The following ZNF816 variants were observed in gnomAD, a reference collection of about 807,000 sequenced individuals.
The protein encoded by ZNF816 is zinc finger protein 816A.
A neutral mutation model predicts 8.3 loss-of-function variants in ZNF816; 11 were observed. The ratio of observed to expected loss-of-function variants is 1.32; its 90% CI spans 0.83 to 2.19. The LOEUF (loss-of-function observed/expected upper bound fraction) is 2.19, where lower values mean the gene tolerates loss of function less well. Ranked by LOEUF, ZNF816 falls within the 30% of genes most tolerant of loss-of-function variation. The pLI is 0.00. For synonymous variants in ZNF816, 255 were observed against 254.5 expected (o/e 1.00, Z -0.02); for missense variants, 710 against 779.3 (o/e 0.91, Z 1.06).
chr19:52,953,582 T>C (rs1340935140), intron 2 of ZNF816, among the ~76,000 whole-genome samples: 4 of 89,702 alleles, frequency 4.5e-5, no homozygotes, highest in African/African-American at 3.9e-4. Flanking sequence ...AAATATAATA[T>C]ATAATACAAT....
rs544356289 is a variant in ZNF816, at chr19:52,959,026, G to A, written c.-15-2922C>T. Among the ~76,000 whole-genome samples, 172 of 152,350 alleles carry A rather than the reference G, an allele frequency of 1.1e-3. 1 individual carries two copies. The highest frequency in any genetic ancestry group is 0.01 in the Middle Eastern group (3 of 294). Reference sequence around the variant, plus strand: ...CTGAGAGAGAAAATACGGCAGTTAGGGTTTTGATCCAAACTGTGGGGCCCT... The same window carrying A: ...CTGAGAGAGAAAATACGGCAGTTAGAGTTTTGATCCAAACTGTGGGGCCCT... On this transcript the variant is annotated intron_variant, in intron 1 of 3. Coordinates refer to ENST00000444460, the MANE Select transcript of ZNF816 (RefSeq NM_001202457.3).
In ZNF816 at chr19:52,951,383, T is replaced by C; in HGVS notation, c.392A>G (p.Lys131Arg). The C allele has an allele frequency of 1.9e-6, 3 of 1,614,148 alleles. No individual in the cohort carries two copies. Among genetic ancestry groups the C allele is most frequent in the Non-Finnish European group, 2.5e-6 (3 of 1,179,972 alleles). ...ERNGHEAPMTKIKKLTGSTDR... is the reference protein window; with the variant it reads ...ERNGHEAPMTRIKKLTGSTDR... ...TGTACTACCAGTCAACTTTTTGATT[T>C]TTGTCATGGGTGCTTCATGGCCATT... is the stretch of plus-strand genomic sequence containing the variant. The change falls in exon 4 of 4, where the codon AAA becomes AGA. Residue 131 changes from lysine (K) to arginine (R), a missense_variant. Transcript: ENST00000444460.
chr19:52,953,251 G>T (rs1045923063), intron 2 of ZNF816: 3 of 270,176 alleles, frequency 1.1e-5, no homozygotes, highest in Non-Finnish European at 2.2e-5. Flanking sequence ...AAAAAAACCA[G>T]GTGTGGTGGC....
Position 52,957,770 on chromosome 19 carries a change from G to A in ZNF816, c.-15-1666C>T, listed in dbSNP as rs1221829524. On this transcript the variant is annotated intron_variant, in intron 1 of 3. Transcript: ENST00000444460. This position sits in a 1 kb window ranked among gnomAD's most constrained non-coding sequence, Gnocchi z 4.6. ...GACATAAAGTGATTCACCAGTTCTT[G>A]TACATGCCTGACTTGAAAGGACTTG... 6.6e-6 allele frequency among the ~76,000 whole-genome samples: 1 copy of A among 152,192 alleles called. No homozygotes were observed. Among genetic ancestry groups the A allele is most frequent in the Non-Finnish European group, 1.5e-5 (1 of 68,050 alleles).
chr19:52,951,226 A>T lies in ZNF816; in HGVS notation c.549T>A (p.Ser183=), dbSNP rs1415223731. The change falls in exon 4 of 4, where the codon TCT becomes TCA. Residue 183 remains serine, a synonymous_variant. Coordinates refer to ENST00000444460, the MANE Select transcript of ZNF816 (RefSeq NM_001202457.3). ...KGKISNQLDK[S]IGASSASESQ... ...ATTCTGAAGCTGAGGAAGCACCGAT[A>T]GACTTGTCCAATTGGTTACTAATTT... 6.3e-7 allele frequency: 1 copy of T among 1,593,302 alleles called. No individual in the cohort carries two copies. Among genetic ancestry groups the T allele is most frequent in the Non-Finnish European group, 8.6e-7 (1 of 1,166,304 alleles).
At chr19:52,958,371 A>T (rs2083528247) in intron 1 of ZNF816, among the ~76,000 whole-genome samples, 1 of 152,202 alleles carries the variant, frequency 6.6e-6, no homozygotes, top group Non-Finnish European at 1.5e-5. Context: ...CTAGCCCCTC[A>T]GAGCCAGAAG....
rs1028835666 is a variant in ZNF816 at position 52,957,968 on chromosome 19, C to T, written c.-15-1864G>A. ...AGAGATAAGACCAACTCTGGCTAAGCGGTGGCCAAGGGTGTAGACAGAAGA... is the reference window on the plus strand; with the variant it reads ...AGAGATAAGACCAACTCTGGCTAAGTGGTGGCCAAGGGTGTAGACAGAAGA... On this transcript the variant is annotated intron_variant, in intron 1 of 3. Transcript: ENST00000444460. The surrounding 1 kb of genome is among the most constrained non-coding windows in gnomAD (Gnocchi z 4.6). 7.2e-5 allele frequency among the ~76,000 whole-genome samples: 11 copies of T among 152,132 alleles called. No homozygotes were observed. The highest frequency in any genetic ancestry group is 1.2e-4 in the African/African-American group (5 of 41,432).
In ZNF816 at chr19:52,950,462, G is replaced by A. The variant is rs1329456900; in HGVS notation, c.1313C>T (p.Ser438Leu). The change falls in exon 4 of 4, where the codon TCA (serine) becomes TTA (leucine). Residue 438 changes from serine to leucine, a missense_variant. Ser to Leu is a moderately radical substitution (Grantham distance 145). Coordinates refer to ENST00000444460, the MANE Select transcript of ZNF816 (RefSeq NM_001202457.3). ...KVCDKVFRSDSYLAEHQRVHT... is the reference protein window; with the variant it reads ...KVCDKVFRSDLYLAEHQRVHT... ...AACTCTCTGATGTTCTGCAAGGTAT[G>A]AATCACTCCGGAAAACCTTGTCACA... The A allele has an allele frequency of 1.2e-6, 2 of 1,613,586 alleles. No individual in the cohort carries two copies. Among genetic ancestry groups the A allele is most frequent in the Admixed American group, 1.7e-5 (1 of 59,956 alleles).
rs1042547966 is a variant in ZNF816 at position 52,957,233 on chromosome 19, G to A, written c.-15-1129C>T. Among the ~76,000 whole-genome samples the A allele has an allele frequency of 2.6e-5, 4 of 152,150 alleles. No homozygotes were observed. Among genetic ancestry groups the A allele is most frequent in the Non-Finnish European group, 5.9e-5 (4 of 68,032 alleles). ...CTTGGTTCCCTGACTTGGAAGCGAG[G>A]TAATTAACAGAAGGTCGAGGCAACC... On this transcript the variant is annotated intron_variant, in intron 1 of 3. Coordinates refer to ENST00000444460, the MANE Select transcript of ZNF816 (RefSeq NM_001202457.3). This position sits in a 1 kb window ranked among gnomAD's most constrained non-coding sequence, Gnocchi z 4.6.
At chr19:52,953,927 A>T (rs1388117915) in intron 2 of ZNF816, among the ~76,000 whole-genome samples, 1 of 150,336 alleles carries the variant, frequency 6.7e-6, no homozygotes, top group Non-Finnish European at 1.5e-5. Context: ...TGTAATCCCA[A>T]CTATTCAGGA....
At chr19:52,955,131 A>G (rs1419239166) in intron 2 of ZNF816, among the ~76,000 whole-genome samples, 1 of 152,186 alleles carries the variant, frequency 6.6e-6, no homozygotes, top group Non-Finnish European at 1.5e-5. Flanking sequence ...GTCAGAGCAA[A>G]CTTATAATCA....
At chr19:52,962,007 A>G (rs1251550360) in intron 1 of ZNF816, among the ~76,000 whole-genome samples, 1 of 152,202 alleles carries the variant, frequency 6.6e-6, no homozygotes, top group Non-Finnish European at 1.5e-5. Flanking sequence ...AGAAAGCTCA[A>G]TTGTCTAGGA....
rs1468215836 is a variant in ZNF816 at position 52,950,705 on chromosome 19, A to C, written c.1070T>G (p.Val357Gly). 1 of 1,613,622 alleles carries C rather than the reference A, an allele frequency of 6.2e-7. No homozygotes were observed. Among genetic ancestry groups the C allele is most frequent in the East Asian group, 2.2e-5 (1 of 44,828 alleles). The change falls in exon 4 of 4, where the codon GTA becomes GGA. Residue 357 changes from valine (V) to glycine (G), a missense_variant. Coordinates refer to ENST00000444460, the MANE Select transcript of ZNF816 (RefSeq NM_001202457.3). ...GKTFGRNSAL[V>G]IHKAIHTGEK... is the part of the protein sequence containing the mutation. ...TCCAGTATGAATTGCCTTATGAATT[A>C]CAAGGGCTGAATTTCGACCAAAAGT...
chr19:52,953,293 T>C, intron 2 of ZNF816: 1 of 319,316 alleles, frequency 3.1e-6, no homozygotes, highest in South Asian at 2.4e-5. Flanking sequence ...CCTGGGAGGC[T>C]GATGCACGAG....
intron 1 of ZNF816, among the ~76,000 whole-genome samples, chr19:52,962,195 T>C (rs1391098854): frequency 6.6e-6 from 1 of 152,048 alleles, no homozygotes; most frequent in Non-Finnish European, 1.5e-5. Context: ...GACTATACTA[T>C]ACTATACTAG....
chr19:52,953,688 TAATA>T lies in ZNF816; in HGVS notation c.64-815_64-812del, dbSNP rs920957741. Among the ~76,000 whole-genome samples, 6 of 140,958 alleles carry T rather than the reference TAATA, an allele frequency of 4.3e-5. No individual in the cohort carries two copies. In the East Asian group the frequency reaches 7.8e-4, roughly 18 times the overall value. The allele number at this position is 140,958 out of a possible 152,430, so 92.5% of individuals were successfully genotyped here. A position where few individuals can be genotyped will look rare whatever the true frequency, so the allele number is the denominator to read the frequency against. On this transcript the variant is annotated intron_variant, in intron 2 of 3. Transcript: ENST00000444460. ...ATCATATATTATATATAATATTGTA[TAATA>T]AATATATTATTAAATAAAGATATTA...
intron 1 of ZNF816, 181 bp from the exon 2 acceptor site, chr19:52,956,285 C>A: frequency 1.6e-6 from 1 of 632,802 alleles, no homozygotes; most frequent in Non-Finnish European, 2.6e-6. Context: ...TAATTTTGAC[C>A]CGTTTTCAGA....
chr19:52,950,430 C>T lies in ZNF816; in HGVS notation c.1345G>A (p.Gly449Arg). 2 of 1,613,728 alleles carry T rather than the reference C, an allele frequency of 1.2e-6. No individual in the cohort carries two copies. Among genetic ancestry groups the T allele is most frequent in the Non-Finnish European group, 8.5e-7 (1 of 1,179,992 alleles). Reference sequence around the variant, plus strand: ...TTATTACACTTGTATGGTTTCTCTCCAGTATGAACTCTCTGATGTTCTGCA... The same window carrying T: ...TTATTACACTTGTATGGTTTCTCTCTAGTATGAACTCTCTGATGTTCTGCA... ...YLAEHQRVHTGEKPYKCNKCG... is the reference protein window; with the variant it reads ...YLAEHQRVHTREKPYKCNKCG... The change falls in exon 4 of 4, where the codon GGA becomes AGA. Residue 449 changes from glycine (G) to arginine (R), a missense_variant. Coordinates refer to ENST00000444460, the MANE Select transcript of ZNF816 (RefSeq NM_001202457.3).
chr19:52,958,564 G>A (rs1722377105), intron 1 of ZNF816, among the ~76,000 whole-genome samples: 1 of 152,152 alleles, frequency 6.6e-6, no homozygotes. Context: ...ATGACCTTCT[G>A]TTAGGACACC....
Sources: gnomAD v4.1 joint callset for allele counts (sites outside exome capture counted in the v4.1 genomes callset) on GRCh38, gnomAD v4.1.1 for gene constraint, Gnocchi (gnomAD v3.1) non-coding constraint, MANE v1.5 for transcripts, NCBI Gene and HGNC (gene_info 2026-07-23, HGNC 2026-07-21) for gene names.